The following CLSTN2 variants were observed in gnomAD, a reference collection of about 807,000 sequenced individuals.
CLSTN2 encodes the protein calsyntenin 2.
CLSTN2 carries 48 observed loss-of-function variants against 101.2 expected under a neutral mutation model. That is an observed-to-expected ratio of 0.47 (90% CI 0.38 to 0.60). CLSTN2 has a LOEUF of 0.60. Ranked by LOEUF, CLSTN2 falls within the 20% of genes least tolerant of loss-of-function variation. The pLI is 0.00. For synonymous variants in CLSTN2, 481 were observed against 463.6 expected (o/e 1.04, Z -0.48); for missense variants, 1,160 against 1,238.2 (o/e 0.94, Z 0.95).
At chr3:140,164,558 G>C (rs2010102818) in intron 1 of CLSTN2, among the ~76,000 whole-genome samples, 1 of 152,174 alleles carries the variant, frequency 6.6e-6, no homozygotes, top group Admixed American at 6.5e-5. Context: ...CTGTTGGTAT[G>C]TAAAGGCAGC....
chr3:140,483,893 T>A (rs1027099391), intron 8 of CLSTN2, among the ~76,000 whole-genome samples: 1 of 152,234 alleles, frequency 6.6e-6, no homozygotes, highest in African/African-American at 2.4e-5. Flanking sequence ...TACAGCACAC[T>A]GATGGGTCTT....
chr3:140,277,788 C>T (rs1044154537), intron 2 of CLSTN2, among the ~76,000 whole-genome samples: 2 of 152,100 alleles, frequency 1.3e-5, no homozygotes, highest in African/African-American at 4.8e-5. Context: ...ATTGCACAGT[C>T]TTATTATTCA....
intron 8 of CLSTN2, chr3:140,508,563 A>G (rs1316438904): frequency 6.6e-6 from 1 of 152,212 alleles, no homozygotes; most frequent in Non-Finnish European, 1.5e-5. Context: ...GACAATTCCT[A>G]TTTGGAGGCA....
At chr3:140,374,060 C>G (rs2087888951) in intron 2 of CLSTN2, among the ~76,000 whole-genome samples, 1 of 152,164 alleles carries the variant, frequency 6.6e-6, no homozygotes, top group South Asian at 2.1e-4. Context: ...GTTGTTTGTT[C>G]TTTGTTCCCC....
chr3:140,027,639 C>T (rs1434969147), intron 1 of CLSTN2, among the ~76,000 whole-genome samples: 1 of 152,140 alleles, frequency 6.6e-6, no homozygotes, highest in East Asian at 1.9e-4. Flanking sequence ...GTGAAGGCAT[C>T]ATCCTGAGAA....
intron 5 of CLSTN2, among the ~76,000 whole-genome samples, chr3:140,432,904 G>T (rs2088649211): frequency 6.6e-6 from 1 of 152,130 alleles, no homozygotes; most frequent in African/African-American, 2.4e-5. Flanking sequence ...CCTTATCTAA[G>T]GGCATTCATT....
At chr3:139,994,808 T>C (rs1384215627) in intron 1 of CLSTN2, among the ~76,000 whole-genome samples, 2 of 152,242 alleles carry the variant, frequency 1.3e-5, no homozygotes, top group Non-Finnish European at 2.9e-5. Flanking sequence ...CATATACTGC[T>C]AGGCAGTAAA....
At chr3:140,309,325 G>A (rs1037217108) in intron 2 of CLSTN2, among the ~76,000 whole-genome samples, 12 of 152,104 alleles carry the variant, frequency 7.9e-5, no homozygotes, top group African/African-American at 2.9e-4. Flanking sequence ...GATGCTTGGG[G>A]CATGTAAGTG....
At chr3:140,244,619 G>A (rs1241223558) in intron 2 of CLSTN2, among the ~76,000 whole-genome samples, 1 of 152,120 alleles carries the variant, frequency 6.6e-6, no homozygotes, top group East Asian at 1.9e-4. Context: ...CTTAATAACA[G>A]TTTATTGATG....
At chr3:140,562,615 T>C (rs116757831) in intron 13 of CLSTN2, among the ~76,000 whole-genome samples, 196 bp from the exon 14 acceptor site, 1 of 152,212 alleles carries the variant, frequency 6.6e-6, no homozygotes, top group Non-Finnish European at 1.5e-5. Context: ...GCAGTCTGTA[T>C]GGAAAGCTTG....
intron 1 of CLSTN2, among the ~76,000 whole-genome samples, chr3:140,071,722 C>G (rs1560086161): frequency 1.3e-5 from 2 of 151,574 alleles, no homozygotes; most frequent in Non-Finnish European, 2.9e-5. Flanking sequence ...TCCCAGCTAC[C>G]CAGGAGGCTG....
At chr3:140,518,128 G>C (rs531992373) in intron 8 of CLSTN2, among the ~76,000 whole-genome samples, 13 of 152,108 alleles carry the variant, frequency 8.5e-5, no homozygotes, top group Non-Finnish European at 1.6e-4. Context: ...AGCCCAAAAG[G>C]CCAGTCTCAC....
At chr3:140,021,168 C>A (rs1224093670) in intron 1 of CLSTN2, among the ~76,000 whole-genome samples, 1 of 152,178 alleles carries the variant, frequency 6.6e-6, no homozygotes, top group Non-Finnish European at 1.5e-5. Context: ...GGGGAAGCAT[C>A]ATTGCTAGCT....
intron 1 of CLSTN2, among the ~76,000 whole-genome samples, chr3:140,084,524 C>G (rs922267561): frequency 1.3e-5 from 2 of 152,158 alleles, no homozygotes; most frequent in African/African-American, 4.8e-5. Context: ...TAATTTCCTT[C>G]AGTAGTCTAC....
At chr3:139,973,140 G>A (rs911200464) in intron 1 of CLSTN2, among the ~76,000 whole-genome samples, 6 of 152,218 alleles carry the variant, frequency 3.9e-5, no homozygotes, top group South Asian at 4.1e-4. Context: ...AGGCCTTGTA[G>A]CCAGGGACCC....
chr3:140,338,964 C>T (rs1323542094), intron 2 of CLSTN2, among the ~76,000 whole-genome samples: 4 of 152,194 alleles, frequency 2.6e-5, no homozygotes, highest in East Asian at 1.9e-4. Context: ...GTATTCCCGC[C>T]GCCTGACACA....
At position 140,154,641 on chromosome 3, in the gene CLSTN2, C is replaced by T. The variant is rs1160453606; in HGVS notation, c.110-21310C>T. Among the ~76,000 whole-genome samples the T allele has an allele frequency of 7.4e-4, 69 of 92,868 alleles. No homozygotes were observed. In the East Asian group the frequency reaches 0.021, roughly 28 times the overall value. The allele number at this position is 92,868 out of a possible 152,430, so 60.9% of individuals were successfully genotyped here. A position where few individuals can be genotyped will look rare whatever the true frequency, so the allele number is the denominator to read the frequency against. The stretch of plus-strand genomic sequence containing the variant: ...AGAGAGAGAGAGGGGAAGTATCACC[C>T]TTTTTTTTTTTTTTTTTTTTTGAGA... On this transcript the variant is annotated intron_variant, in intron 1 of 16. Coordinates refer to ENST00000458420, the MANE Select transcript of CLSTN2 (RefSeq NM_022131.3).
At chr3:140,446,557 T>C (rs1933083858) in intron 5 of CLSTN2, among the ~76,000 whole-genome samples, 1 of 152,124 alleles carries the variant, frequency 6.6e-6, no homozygotes, top group African/African-American at 2.4e-5. Flanking sequence ...CATTGATCAG[T>C]CCCTACTGCA....
intron 2 of CLSTN2, among the ~76,000 whole-genome samples, chr3:140,215,428 TG>T (rs1261145448): frequency 6.6e-6 from 1 of 152,234 alleles, no homozygotes; most frequent in Non-Finnish European, 1.5e-5. Context: ...ACACTTTAAC[TG>T]TAGCAATTTA....
Sources: gnomAD v4.1 joint callset for allele counts (sites outside exome capture counted in the v4.1 genomes callset) on GRCh38, gnomAD v4.1.1 for gene constraint, MANE v1.5 for transcripts, NCBI Gene and HGNC (gene_info 2026-07-23, HGNC 2026-07-21) for gene names.